UGT1A10: variants seen among roughly 807,000 people sequenced by gnomAD.
UGT1A10 encodes UDP-glucuronosyltransferase 1A10.
UGT1A10 carries 49 observed loss-of-function variants against 45.8 expected under a neutral mutation model. The ratio of observed to expected loss-of-function variants is 1.07; its 90% CI spans 0.85 to 1.36. The LOEUF (loss-of-function observed/expected upper bound fraction) is 1.36, where lower values mean the gene tolerates loss of function less well. Among genes scored for constraint, UGT1A10 ranks in the 40% most tolerant of loss-of-function variants. The pLI is 0.00. For synonymous variants in UGT1A10, 284 were observed against 249.7 expected (o/e 1.14, Z -1.29); for missense variants, 745 against 668.6 (o/e 1.11, Z -1.26).
intron 1 of UGT1A10, chr2:233,747,398 C>T: frequency 1.9e-6 from 3 of 1,606,764 alleles, no homozygotes; most frequent in Non-Finnish European, 2.6e-6. Flanking sequence ...TGGTCCTCAC[C>T]CCAGAGGTGA....
chr2:233,705,529 C>T lies in UGT1A10; in HGVS notation c.856-61505C>T, dbSNP rs369165092. Among the ~76,000 whole-genome samples, 3 of 152,250 alleles carry T rather than the reference C, an allele frequency of 2.0e-5. No homozygotes were observed. The South Asian group carries it at 6.2e-4, about 32-fold the overall frequency. On this transcript the variant is annotated intron_variant, in intron 1 of 4. Transcript: ENST00000344644. The stretch of plus-strand genomic sequence containing the variant: ...AGAATCAGGGTGGGGAGATTACCTT[C>T]AGCTGTGAAGAGCAGCTGGTGATAT...
chr2:233,727,259 C>T (rs376711129), intron 1 of UGT1A10, among the ~76,000 whole-genome samples: 2 of 152,098 alleles, frequency 1.3e-5, no homozygotes, highest in African/African-American at 4.8e-5. Flanking sequence ...CAGCCCAGAC[C>T]CCTCCTCATC....
intron 1 of UGT1A10, among the ~76,000 whole-genome samples, chr2:233,653,754 A>T (rs143642706): frequency 0.013 from 1,946 of 152,270 alleles, 37 homozygotes; most frequent in South Asian, 0.034. Context: ...CCACCACCAC[A>T]GTCAGCAAAT....
In UGT1A10 at chr2:233,765,523, G is replaced by A. The variant is rs34942302; in HGVS notation, c.856-1511G>A. On this transcript the variant is annotated intron_variant, in intron 1 of 4. Coordinates refer to ENST00000344644, the MANE Select transcript of UGT1A10 (RefSeq NM_019075.4). ...ACACAGGAACAGAAAATCAAACACCGCATGTTCTCACTCATAAGTGGGAGT... is the reference window on the plus strand; with the variant it reads ...ACACAGGAACAGAAAATCAAACACCACATGTTCTCACTCATAAGTGGGAGT... Among the ~76,000 whole-genome samples, 784 of 152,122 alleles carry A rather than the reference G, an allele frequency of 5.2e-3. 4 individuals are homozygous for A. Among genetic ancestry groups the A allele is most frequent in the Non-Finnish European group, 8.2e-3 (558 of 68,008 alleles).
Position 233,695,363 on chromosome 2 carries a change from G to A in UGT1A10, c.855+57986G>A, listed in dbSNP as rs375614605. ...ATGGTCTCAATCTCTTGACCTCGTGGTCCGCCCACCCCAGCCTCCCAAAGT... is the reference window on the plus strand; with the variant it reads ...ATGGTCTCAATCTCTTGACCTCGTGATCCGCCCACCCCAGCCTCCCAAAGT... On this transcript the variant is annotated intron_variant, in intron 1 of 4. Coordinates refer to ENST00000344644, the MANE Select transcript of UGT1A10 (RefSeq NM_019075.4). Among the ~76,000 whole-genome samples the A allele has an allele frequency of 4.4e-3, 673 of 151,584 alleles. 7 individuals carry two copies. Among genetic ancestry groups the A allele is most frequent in the African/African-American group, 0.016 (648 of 41,388 alleles).
rs181518181 is a variant in UGT1A10 at position 233,744,372 on chromosome 2, A to G, written c.856-22662A>G. ...AAGACATCCTGTTGTTTAGGACTGC[A>G]GTTCTCCAACGTTCCAGCCCCGGTG... On this transcript the variant is annotated intron_variant, in intron 1 of 4. Transcript: ENST00000344644. Among the ~76,000 whole-genome samples the G allele has an allele frequency of 2.4e-4, 37 of 152,006 alleles. 1 individual carries two copies. Among genetic ancestry groups the G allele is most frequent in the South Asian group, 4.1e-4 (2 of 4,828 alleles).
chr2:233,684,369 C>A (rs2074676819), intron 1 of UGT1A10, among the ~76,000 whole-genome samples: 1 of 152,204 alleles, frequency 6.6e-6, no homozygotes, highest in African/African-American at 2.4e-5. Flanking sequence ...CCCCTGTTTA[C>A]CCTCCATCAA....
chr2:233,681,904 A>C, intron 1 of UGT1A10: 1 of 1,596,134 alleles, frequency 6.3e-7, no homozygotes, highest in Non-Finnish European at 8.5e-7. Context: ...GGAGCTTAGA[A>C]TCCCAGCTGC....
chr2:233,681,065 G>A (rs1309464009), intron 1 of UGT1A10, among the ~76,000 whole-genome samples: 2 of 151,814 alleles, frequency 1.3e-5, no homozygotes, highest in Admixed American at 1.3e-4. Context: ...GCTCACCTGT[G>A]TCACAATTGT....
chr2:233,761,996 A>C (rs1212945255), intron 1 of UGT1A10, among the ~76,000 whole-genome samples: 1 of 151,970 alleles, frequency 6.6e-6, no homozygotes, highest in African/African-American at 2.4e-5. Context: ...CCTTATTTCC[A>C]CTATACCTCC....
chr2:233,732,874 G>C lies in UGT1A10; in HGVS notation c.856-34160G>C, dbSNP rs1220552637. On this transcript the variant is annotated intron_variant, in intron 1 of 4. Transcript: ENST00000344644. Reference sequence around the variant, plus strand: ...AGTCATTGGTAGCTTGATGGGTTTGGCATTGAATCTATAAATTACCTTGGG... The same window carrying C: ...AGTCATTGGTAGCTTGATGGGTTTGCCATTGAATCTATAAATTACCTTGGG... 6.6e-5 allele frequency among the ~76,000 whole-genome samples: 10 copies of C among 151,784 alleles called. No individual in the cohort carries two copies. The East Asian group carries it at 1.9e-3, about 29-fold the overall frequency.
At chr2:233,729,037 G>A in intron 1 of UGT1A10, 2 of 1,603,940 alleles carry the variant, frequency 1.2e-6, no homozygotes, top group Non-Finnish European at 1.7e-6. Context: ...TTTGCTAAGT[G>A]GCTCAGTGAC....
intron 1 of UGT1A10, chr2:233,708,393 T>C (rs2076016604): frequency 6.6e-6 from 1 of 152,236 alleles, no homozygotes; most frequent in Admixed American, 6.5e-5. Context: ...TGTGTGTGTT[T>C]ACTTTCATCA....
chr2:233,693,387 G>A, intron 1 of UGT1A10: 1 of 1,614,130 alleles, frequency 6.2e-7, no homozygotes, highest in Non-Finnish European at 8.5e-7. Context: ...AACTGCCAGA[G>A]CCTCCTGCAG....
At chr2:233,719,649 G>A in intron 1 of UGT1A10, 1 of 1,614,068 alleles carries the variant, frequency 6.2e-7, no homozygotes, top group South Asian at 1.1e-5. Context: ...GGTCTTCATT[G>A]GGGGCATCAA....
intron 1 of UGT1A10, among the ~76,000 whole-genome samples, chr2:233,765,193 A>G (rs1229079097): frequency 6.6e-6 from 1 of 152,214 alleles, no homozygotes; most frequent in Non-Finnish European, 1.5e-5. Flanking sequence ...TCACACAATC[A>G]TATTAGTGCC....
rs1249954264 is a variant in UGT1A10 at position 233,682,687 on chromosome 2, T to C, written c.855+45310T>C. On this transcript the variant is annotated intron_variant, in intron 1 of 4. Coordinates refer to ENST00000344644, the MANE Select transcript of UGT1A10 (RefSeq NM_019075.4). ...ATGATCTCTACAGCCACACATCAATTTGGTTGTTGCGAACTGACTTTGTTT... is the reference window on the plus strand; with the variant it reads ...ATGATCTCTACAGCCACACATCAATCTGGTTGTTGCGAACTGACTTTGTTT... 2.5e-6 allele frequency: 4 copies of C among 1,613,824 alleles called. No individual in the cohort carries two copies. In the South Asian group the frequency reaches 4.4e-5, roughly 18 times the overall value.
rs187295904 is a variant in UGT1A10 at position 233,750,155 on chromosome 2, A to G, written c.856-16879A>G. 9.7e-4 allele frequency among the ~76,000 whole-genome samples: 148 copies of G among 152,026 alleles called. 1 individual carries two copies. Among genetic ancestry groups the G allele is most frequent in the Non-Finnish European group, 1.5e-3 (103 of 68,038 alleles). ...TTGGAACTTCCTAGAGACTTGTTGA[A>G]TGGTTTTGACCAAAATGCTGATAAT... On this transcript the variant is annotated intron_variant, in intron 1 of 4. Coordinates refer to ENST00000344644, the MANE Select transcript of UGT1A10 (RefSeq NM_019075.4).
At chr2:233,729,756 G>A in intron 1 of UGT1A10, 1 of 1,613,874 alleles carries the variant, frequency 6.2e-7, no homozygotes, top group Non-Finnish European at 8.5e-7. Context: ...TCATGCAAAG[G>A]GTCAAGAACA....
Sources: gnomAD v4.1 joint callset for allele counts (sites outside exome capture counted in the v4.1 genomes callset) on GRCh38, gnomAD v4.1.1 for gene constraint, MANE v1.5 for transcripts, NCBI Gene and HGNC (gene_info 2026-07-23, HGNC 2026-07-21) for gene names.